FBLN5: variants seen among roughly 807,000 people sequenced by gnomAD.
FBLN5 encodes fibulin 5, also known as fibulin-5.
In FBLN5, 24 loss-of-function variants were observed where a neutral mutation model predicts 61.6. The observed-to-expected ratio is 0.39, with a 90% CI of 0.28 to 0.55. The LOEUF (loss-of-function observed/expected upper bound fraction) is 0.55, where lower values mean the gene tolerates loss of function less well. Ranked by LOEUF, FBLN5 falls within the 20% of genes least tolerant of loss-of-function variation. FBLN5 has a pLI of 0.65. For missense variants in FBLN5, 470 were observed against 594.1 expected (o/e 0.79, Z 2.17); for synonymous variants, 213 against 219.8 (o/e 0.97, Z 0.27).
chr14:91,941,864 AC>A (rs2056110960), intron 2 of FBLN5, among the ~76,000 whole-genome samples: 1 of 152,110 alleles, frequency 6.6e-6, no homozygotes, highest in African/African-American at 2.4e-5. Flanking sequence ...AGTAAACACG[AC>A]CCTGAACCTC....
intron 4 of FBLN5, among the ~76,000 whole-genome samples, chr14:91,924,118 A>G (rs1167422420): frequency 6.6e-6 from 1 of 152,206 alleles, no homozygotes; most frequent in African/African-American, 2.4e-5. Context: ...AGTTATTTAT[A>G]TTCTCCTGTT....
chr14:91,881,192 T>C, intron 9 of FBLN5, 100 bp downstream of exon 9: 1 of 1,377,504 alleles, frequency 7.3e-7, no homozygotes. Flanking sequence ...CCAGGTCCCC[T>C]CACTTCCTGG....
At chr14:91,876,850 T>C (rs978203698) in intron 10 of FBLN5, among the ~76,000 whole-genome samples, 8 of 152,164 alleles carry the variant, frequency 5.3e-5, no homozygotes, top group African/African-American at 1.9e-4. Context: ...TTTTCAGAGA[T>C]GGGGTCTCGC....
intron 4 of FBLN5, among the ~76,000 whole-genome samples, chr14:91,905,919 G>T (rs150026065): frequency 2.7e-5 from 4 of 150,222 alleles, no homozygotes; most frequent in Non-Finnish European, 5.9e-5. Flanking sequence ...ACAAAGTCTC[G>T]CTTTGTCACC....
At chr14:91,940,909 G>A (rs192476415) in intron 2 of FBLN5, among the ~76,000 whole-genome samples, 37 of 151,998 alleles carry the variant, frequency 2.4e-4, no homozygotes, top group African/African-American at 8.5e-4. Flanking sequence ...TTTTGAGACC[G>A]CCCTCAAGAC....
chr14:91,878,657 T>G (rs749685909), intron 9 of FBLN5, among the ~76,000 whole-genome samples: 32 of 152,358 alleles, frequency 2.1e-4, no homozygotes, highest in South Asian at 6.2e-4. Context: ...TCTTGCCTTC[T>G]CGCCTTTGCA....
chr14:91,870,884 T>C (rs1888891970), intron 10 of FBLN5, among the ~76,000 whole-genome samples: 1 of 152,164 alleles, frequency 6.6e-6, no homozygotes, highest in Non-Finnish European at 1.5e-5. Flanking sequence ...TGATTGAAAC[T>C]TCTGCATGGC....
chr14:91,878,049 AC>A (rs1191854552), intron 9 of FBLN5: 1 of 423,002 alleles, frequency 2.4e-6, no homozygotes, highest in Admixed American at 3.4e-5. Context: ...AAAAAACAAA[AC>A]AAAAAAAAAG....
At chr14:91,884,947 A>G (rs1889657579) in intron 7 of FBLN5, among the ~76,000 whole-genome samples, 2 of 152,170 alleles carry the variant, frequency 1.3e-5, no homozygotes, top group Admixed American at 6.5e-5. Context: ...GTATTAGGCC[A>G]CTTTCACTCC....
rs138517057 is a variant in FBLN5 at position 91,892,538 on chromosome 14, G to A, written c.503-1201C>T. 1.9e-3 allele frequency among the ~76,000 whole-genome samples: 288 copies of A among 152,322 alleles called. 1 individual carries two copies. The highest frequency in any genetic ancestry group is 6.4e-3 in the African/African-American group (264 of 41,572). ...ATTCTGTGCCCTGTCCTGTGATTCT[G>A]TTTTGTCTCTAAGTCCCGGCTACTT... is the stretch of plus-strand genomic sequence containing the variant. On this transcript the variant is annotated intron_variant, in intron 5 of 10. Coordinates refer to ENST00000342058, the MANE Select transcript of FBLN5 (RefSeq NM_006329.4).
chr14:91,931,302 C>G (rs1467045663), intron 4 of FBLN5, among the ~76,000 whole-genome samples: 1 of 152,222 alleles, frequency 6.6e-6, no homozygotes, highest in African/African-American at 2.4e-5. Flanking sequence ...TTTAATCTCC[C>G]TTCCTTGTCC....
intron 4 of FBLN5, among the ~76,000 whole-genome samples, chr14:91,926,397 C>T (rs992008470): frequency 2.6e-5 from 4 of 152,182 alleles, no homozygotes; most frequent in African/African-American, 7.2e-5. Flanking sequence ...GCCTGGGCAC[C>T]GCGTGGCCTG....
chr14:91,906,408 G>A (rs1890689034), intron 4 of FBLN5, among the ~76,000 whole-genome samples: 1 of 152,130 alleles, frequency 6.6e-6, no homozygotes, highest in South Asian at 2.1e-4. Context: ...TGAGGGAGAG[G>A]GAGCAAGAGA....
At chr14:91,919,390 AAAGGAAGGAAGGAAGGAAGGAAGGAAGG>A (rs3031540) in intron 4 of FBLN5, among the ~76,000 whole-genome samples, 2 of 99,584 alleles carry the variant, frequency 2.0e-5, no homozygotes, top group Non-Finnish European at 4.3e-5. Flanking sequence ...AGAAAGAAAG[AAAGGAAGGAAGGAAGGAAGGAAGGAAGG>A]AAGGAAGGAA....
At chr14:91,935,938 G>C (rs1464020749) in intron 4 of FBLN5, among the ~76,000 whole-genome samples, 1 of 152,192 alleles carries the variant, frequency 6.6e-6, no homozygotes, top group Non-Finnish European at 1.5e-5. Flanking sequence ...AAATGCAGAA[G>C]TTTGGGTTCA....
intron 7 of FBLN5, among the ~76,000 whole-genome samples, chr14:91,883,664 A>AAAAACAC (rs758858453): frequency 6.7e-6 from 1 of 148,396 alleles, no homozygotes; most frequent in African/African-American, 2.5e-5. Context: ...AAACAAAAAA[A>AAAAACAC]ACACACACAC....
intron 4 of FBLN5, among the ~76,000 whole-genome samples, chr14:91,918,004 C>T (rs898737835): frequency 1.3e-5 from 2 of 152,136 alleles, no homozygotes; most frequent in African/African-American, 2.4e-5. Flanking sequence ...AAGCCCCTGC[C>T]CCCCAACCCA....
chr14:91,936,820 A>G, intron 4 of FBLN5, 127 bp downstream of exon 4: 1 of 1,112,206 alleles, frequency 9.0e-7, no homozygotes, highest in Non-Finnish European at 1.4e-6. Context: ...AAGTATGCAG[A>G]GAGTAAGTCA....
intron 4 of FBLN5, among the ~76,000 whole-genome samples, chr14:91,923,802 C>G (rs1490459249): frequency 6.6e-6 from 1 of 152,150 alleles, no homozygotes; most frequent in Non-Finnish European, 1.5e-5. Context: ...TCCTTAGACC[C>G]TCCTAGCCCT....
Sources: allele counts gnomAD v4.1 joint callset (sites outside exome capture counted in the v4.1 genomes callset), GRCh38; gene constraint gnomAD v4.1.1; transcripts MANE v1.5; gene names NCBI Gene and HGNC (gene_info 2026-07-23, HGNC 2026-07-21).